ARHGAP24: variants seen among roughly 807,000 people sequenced by gnomAD.
ARHGAP24 encodes Rho GTPase activating protein 24.
Under a neutral mutation model 76.4 loss-of-function variants are expected in ARHGAP24, and 50 were observed. That is an observed-to-expected ratio of 0.65 (90% CI 0.52 to 0.83). ARHGAP24 has a LOEUF of 0.83. Ranked by LOEUF, ARHGAP24 falls within the 40% of genes least tolerant of loss-of-function variation. The pLI is 0.00. For synonymous variants in ARHGAP24, 345 were observed against 323.3 expected (o/e 1.07, Z -0.72); for missense variants, 930 against 914.2 (o/e 1.02, Z -0.22).
At chr4:85,689,238 AG>A (rs1288666923) in intron 2 of ARHGAP24, among the ~76,000 whole-genome samples, 2 of 152,146 alleles carry the variant, frequency 1.3e-5, no homozygotes, top group East Asian at 1.9e-4. Flanking sequence ...AGTGTTTTGT[AG>A]TACTCCTTGT....
intron 2 of ARHGAP24, among the ~76,000 whole-genome samples, chr4:85,637,705 C>A (rs1226475627): frequency 2.6e-5 from 4 of 151,810 alleles, no homozygotes; most frequent in African/African-American, 7.3e-5. Flanking sequence ...TATTTTGAAT[C>A]TATTAGATTA....
chr4:85,516,329 T>A (rs1270694421), intron 1 of ARHGAP24, among the ~76,000 whole-genome samples: 1 of 152,230 alleles, frequency 6.6e-6, no homozygotes. Flanking sequence ...TTTTTATCAA[T>A]ATTTCTTAAA....
At chr4:85,932,918 C>T (rs1736426319) in intron 4 of ARHGAP24, among the ~76,000 whole-genome samples, 1 of 152,142 alleles carries the variant, frequency 6.6e-6, no homozygotes, top group African/African-American at 2.4e-5. Flanking sequence ...CCCAACCCGC[C>T]GCCACCTTGC....
At chr4:85,542,743 T>C (rs954843180) in intron 1 of ARHGAP24, among the ~76,000 whole-genome samples, 6 of 152,232 alleles carry the variant, frequency 3.9e-5, no homozygotes, top group African/African-American at 1.2e-4. Flanking sequence ...TACAGTGTAT[T>C]AATAGGTAAT....
rs970426178 is a variant in ARHGAP24 at position 85,778,411 on chromosome 4, T to C, written c.268+56439T>C. On this transcript the variant is annotated intron_variant, in intron 3 of 9. Coordinates refer to ENST00000395184, the MANE Select transcript of ARHGAP24 (RefSeq NM_001025616.3). ...AACTATTTCCCCTCAGGTATGTTAG[T>C]GTAGTGGAAAAAGCATTGAAGCAGG... 1.8e-4 allele frequency among the ~76,000 whole-genome samples: 27 copies of C among 152,166 alleles called. 1 individual carries two copies. The highest frequency in any genetic ancestry group is 4.4e-5 in the Non-Finnish European group (3 of 68,024).
At chr4:85,605,501 T>C (rs116082361) in intron 2 of ARHGAP24, among the ~76,000 whole-genome samples, 1 of 152,312 alleles carries the variant, frequency 6.6e-6, no homozygotes, top group Non-Finnish European at 1.5e-5. Flanking sequence ...TAATAAAATA[T>C]CTTCATATAT....
intron 1 of ARHGAP24, among the ~76,000 whole-genome samples, chr4:85,510,828 TCTCG>T (rs1329633602): frequency 4.3e-3 from 18 of 4,192 alleles, no homozygotes; most frequent in Non-Finnish European, 0.016. Flanking sequence ...CCTCCTTCTC[TCTCG>T]CTCTCTCTCT....
chr4:85,552,614 G>T (rs1726185716), intron 1 of ARHGAP24, among the ~76,000 whole-genome samples: 1 of 152,018 alleles, frequency 6.6e-6, no homozygotes, highest in Non-Finnish European at 1.5e-5. Context: ...ACCATCAGTG[G>T]GGTATTGACA....
chr4:85,853,970 C>CAAA (rs70948760), intron 3 of ARHGAP24, among the ~76,000 whole-genome samples: 59 of 148,350 alleles, frequency 4.0e-4, no homozygotes, highest in Admixed American at 5.4e-4. Context: ...AACAAAAAGA[C>CAAA]AAAAAAAAAC....
intron 3 of ARHGAP24, among the ~76,000 whole-genome samples, chr4:85,905,547 A>G (rs901126651): frequency 6.6e-5 from 10 of 152,106 alleles, no homozygotes; most frequent in African/African-American, 2.4e-4. Context: ...CAATTCACTC[A>G]GTAAGTTTCC....
At chr4:85,946,055 A>C (rs564919258) in intron 5 of ARHGAP24, among the ~76,000 whole-genome samples, 1 of 152,280 alleles carries the variant, frequency 6.6e-6, no homozygotes, top group East Asian at 1.9e-4. Context: ...GGCGGCAGGC[A>C]AAAAGAGAGA....
intron 4 of ARHGAP24, among the ~76,000 whole-genome samples, chr4:85,935,379 G>T (rs1406480679): frequency 2.0e-5 from 3 of 152,172 alleles, no homozygotes; most frequent in Non-Finnish European, 4.4e-5. Context: ...CTATTAAGTT[G>T]TAGGTGCCCC....
intron 2 of ARHGAP24, among the ~76,000 whole-genome samples, chr4:85,680,025 G>C (rs890617334): frequency 6.6e-6 from 1 of 152,046 alleles, no homozygotes; most frequent in Non-Finnish European, 1.5e-5. Context: ...ACCTCCCTTC[G>C]AGGAGAAGAG....
chr4:85,786,463 G>T (rs967748480), intron 3 of ARHGAP24, among the ~76,000 whole-genome samples: 3 of 152,052 alleles, frequency 2.0e-5, no homozygotes, highest in Non-Finnish European at 2.9e-5. Flanking sequence ...TCTTGAAATG[G>T]GAATTAGTGG....
Position 85,994,887 on chromosome 4 carries a change from T to G in ARHGAP24, c.1233T>G (p.Asp411Glu), listed in dbSNP as rs1342454983. Residue 411 changes from aspartate to glutamate, a missense_variant, in exon 9 of 10, where the codon GAT becomes GAG. Transcript: ENST00000395184. The stretch of plus-strand genomic sequence containing the variant: ...CAAAGAACAGTGTTCACAAGCTAGA[T>G]GTGTCTAGAAGCCCCCCTCTCATGG... ...NSPKNSVHKL[D>E]VSRSPPLMVK... 6 of 1,614,012 alleles carry G rather than the reference T, an allele frequency of 3.7e-6. No individual in the cohort carries two copies. Among genetic ancestry groups the G allele is most frequent in the Non-Finnish European group, 5.1e-6 (6 of 1,180,036 alleles).
intron 2 of ARHGAP24, among the ~76,000 whole-genome samples, chr4:85,571,608 A>C (rs1158931192): frequency 6.6e-6 from 1 of 152,160 alleles, no homozygotes; most frequent in Non-Finnish European, 1.5e-5. Context: ...TTAGTATTTT[A>C]AGTTCCTAAG....
At chr4:85,839,650 T>C (rs28528165) in intron 3 of ARHGAP24, among the ~76,000 whole-genome samples, 1,678 of 151,694 alleles carry the variant, frequency 0.011, 31 homozygotes, top group African/African-American at 0.038. Context: ...CGCATTTCAC[T>C]ATGTTGGCCA....
rs1722678823 is a variant in ARHGAP24, at chr4:85,667,512, GCA to G, written c.181-54371_181-54370del. Among the ~76,000 whole-genome samples, 5 of 152,130 alleles carry G rather than the reference GCA, an allele frequency of 3.3e-5. No homozygotes were observed. In the South Asian group the frequency reaches 1.0e-3, roughly 32 times the overall value. Reference sequence around the variant, plus strand: ...CACAATGCACTGCACCCACTGTCCTGCACCCACTTTCTGGCACTCCTTAGTGA... The same window carrying G: ...CACAATGCACTGCACCCACTGTCCTGCCCACTTTCTGGCACTCCTTAGTGA... On this transcript the variant is annotated intron_variant, in intron 2 of 9. Coordinates refer to ENST00000395184, the MANE Select transcript of ARHGAP24 (RefSeq NM_001025616.3).
chr4:85,621,367 T>TAA (rs1178419193), intron 2 of ARHGAP24, among the ~76,000 whole-genome samples: 1 of 152,150 alleles, frequency 6.6e-6, no homozygotes, highest in African/African-American at 2.4e-5. Context: ...ATGGCTGAAA[T>TAA]AATTTACATT....
Sources: allele counts gnomAD v4.1 joint callset (sites outside exome capture counted in the v4.1 genomes callset), GRCh38; gene constraint gnomAD v4.1.1; transcripts MANE v1.5; gene names NCBI Gene and HGNC (gene_info 2026-07-23, HGNC 2026-07-21).